Variants in CUBN observed in about 807,000 individuals in gnomAD.
CUBN encodes the protein 460 kDa receptor.
A neutral mutation model predicts 405.3 loss-of-function variants in CUBN; 282 were observed. The observed-to-expected ratio is 0.70, with a 90% CI of 0.63 to 0.77. The LOEUF (loss-of-function observed/expected upper bound fraction) is 0.77, where lower values mean the gene tolerates loss of function less well. Ranked by LOEUF, CUBN falls within the 30% of genes least tolerant of loss-of-function variation. The pLI, the probability that CUBN is intolerant of heterozygous loss-of-function variation, is 0.00. For missense variants in CUBN, 4,514 were observed against 4,475.2 expected (o/e 1.01, Z -0.25); for synonymous variants, 1,684 against 1,617.0 (o/e 1.04, Z -0.99).
chr10:17,106,082 C>T (rs1486686793), intron 10 of CUBN, among the ~76,000 whole-genome samples: 9 of 151,892 alleles, frequency 5.9e-5, no homozygotes, highest in East Asian at 1.9e-4. Flanking sequence ...TTCAGGAGTT[C>T]GAGACCAGCC....
At chr10:17,013,300 T>TTC (rs779321746) in intron 28 of CUBN, among the ~76,000 whole-genome samples, 1 of 151,860 alleles carries the variant, frequency 6.6e-6, no homozygotes, top group Non-Finnish European at 1.5e-5. Context: ...ATCTTTCTCT[T>TTC]TCTCTCTCTG....
At chr10:16,834,448 G>T (rs1839108224) in intron 64 of CUBN, among the ~76,000 whole-genome samples, 1 of 152,124 alleles carries the variant, frequency 6.6e-6, no homozygotes, top group African/African-American at 2.4e-5. Context: ...TCATTTCTGT[G>T]CCCAAATTCA....
At chr10:16,995,275 G>A (rs1588561813) in intron 28 of CUBN, among the ~76,000 whole-genome samples, 1 of 152,284 alleles carries the variant, frequency 6.6e-6, no homozygotes, top group South Asian at 2.1e-4. Context: ...AAACATTATA[G>A]TGTAACAGAG....
chr10:16,967,441 T>C (rs1843423688), intron 31 of CUBN, among the ~76,000 whole-genome samples: 1 of 152,318 alleles, frequency 6.6e-6, no homozygotes, highest in South Asian at 2.1e-4. Flanking sequence ...ACCAAACCCG[T>C]GTCCACAGAT....
In CUBN at chr10:17,086,669, A is replaced by T. The variant is rs560679848; in HGVS notation, c.1948-910T>A. Among the ~76,000 whole-genome samples the T allele has an allele frequency of 2.8e-4, 43 of 152,338 alleles. 1 individual carries two copies. Among genetic ancestry groups the T allele is most frequent in the Admixed American group, 1.9e-3 (29 of 15,296 alleles). On this transcript the variant is annotated intron_variant, in intron 15 of 66. Transcript: ENST00000377833. ...TTGTTGTAATTGCAAATTCTATACT[A>T]TATAAACCACCGAGGAGTCAATGAA... is the stretch of plus-strand genomic sequence containing the variant.
At chr10:16,888,621 T>C in intron 55 of CUBN, 55 bp from the exon 56 acceptor site, 3 of 1,539,842 alleles carry the variant, frequency 1.9e-6, no homozygotes, top group Non-Finnish European at 2.7e-6. Context: ...GTATCTATTT[T>C]GTCCATGAAG....
chr10:16,958,819 T>C (rs540475109), intron 31 of CUBN, among the ~76,000 whole-genome samples: 1 of 152,306 alleles, frequency 6.6e-6, no homozygotes, highest in African/African-American at 2.4e-5. Flanking sequence ...CACACCTCAG[T>C]CTGCTTCTTT....
intron 62 of CUBN, among the ~76,000 whole-genome samples, chr10:16,838,171 G>T (rs1839231087): frequency 6.6e-6 from 1 of 152,144 alleles, no homozygotes; most frequent in Non-Finnish European, 1.5e-5. Context: ...CAAGTCCAGG[G>T]TCTATTCAGC....
At chr10:16,917,110 C>T (rs374422516) in intron 45 of CUBN, among the ~76,000 whole-genome samples, 3 of 152,234 alleles carry the variant, frequency 2.0e-5, no homozygotes, top group South Asian at 4.1e-4. Flanking sequence ...CCATGCCCCA[C>T]TGACATGTTT....
At chr10:16,849,694 C>T (rs1299057679) in intron 60 of CUBN, among the ~76,000 whole-genome samples, 1 of 152,152 alleles carries the variant, frequency 6.6e-6, no homozygotes, top group African/African-American at 2.4e-5. Flanking sequence ...CTCTTGCACC[C>T]CTCTTGCCAT....
intron 8 of CUBN, among the ~76,000 whole-genome samples, chr10:17,113,711 A>G (rs557425752): frequency 4.6e-5 from 7 of 152,364 alleles, no homozygotes; most frequent in Admixed American, 4.6e-4. Flanking sequence ...TCTGGTTAGT[A>G]TGAAAGGTGG....
intron 66 of CUBN, among the ~76,000 whole-genome samples, chr10:16,828,393 GCTT>G (rs1347696802): frequency 1.3e-5 from 2 of 152,188 alleles, no homozygotes; most frequent in Non-Finnish European, 2.9e-5. Context: ...TAAAGGCTGT[GCTT>G]CTTCCTCTGC....
At chr10:16,977,265 C>A (rs1588542019) in intron 31 of CUBN, among the ~76,000 whole-genome samples, 1 of 152,272 alleles carries the variant, frequency 6.6e-6, no homozygotes, top group South Asian at 2.1e-4. Flanking sequence ...TGTTTCCACA[C>A]CCAAATTTTG....
At chr10:17,044,016 G>C in intron 25 of CUBN, 33 bp from the exon 26 acceptor site, 4 of 1,584,248 alleles carry the variant, frequency 2.5e-6, no homozygotes, top group African/African-American at 1.3e-5. Context: ...TTAGATGGTT[G>C]AGACTATAAA....
intron 31 of CUBN, among the ~76,000 whole-genome samples, chr10:16,957,876 A>C (rs1486369170): frequency 6.8e-6 from 1 of 146,102 alleles, no homozygotes; most frequent in African/African-American, 2.5e-5. Flanking sequence ...AATGGGTTCT[A>C]TGGTGTTTAT....
chr10:16,934,334 C>A (rs959991412), intron 39 of CUBN, among the ~76,000 whole-genome samples: 1 of 152,284 alleles, frequency 6.6e-6, no homozygotes. Context: ...GAGATCCAAT[C>A]TTCACCATTT....
chr10:16,886,917 T>A (rs981836141), intron 56 of CUBN, among the ~76,000 whole-genome samples: 19 of 152,128 alleles, frequency 1.2e-4, no homozygotes, highest in African/African-American at 2.4e-5. Context: ...GCCTCCCGAG[T>A]AGCTGGGATT....
chr10:17,033,208 C>A (rs1834821638), intron 27 of CUBN, among the ~76,000 whole-genome samples: 2 of 152,294 alleles, frequency 1.3e-5, no homozygotes, highest in South Asian at 4.1e-4. Flanking sequence ...CACCTGAGAG[C>A]CTCACACTGC....
intron 14 of CUBN, among the ~76,000 whole-genome samples, chr10:17,091,112 C>CT (rs1486085826): frequency 6.6e-6 from 1 of 152,096 alleles, no homozygotes; most frequent in African/African-American, 2.4e-5. Flanking sequence ...CCTAGAACAT[C>CT]TTTTCTGACC....
Sources: allele counts gnomAD v4.1 joint callset (sites outside exome capture counted in the v4.1 genomes callset), GRCh38; gene constraint gnomAD v4.1.1; transcripts MANE v1.5; gene names NCBI Gene and HGNC (gene_info 2026-07-23, HGNC 2026-07-21).